The following WWTR1 variants were observed in gnomAD, a reference collection of about 807,000 sequenced individuals.
The protein encoded by WWTR1 is WW domain-containing transcription regulator protein 1.
Under a neutral mutation model 40.1 loss-of-function variants are expected in WWTR1, and 13 were observed. The ratio of observed to expected loss-of-function variants is 0.32; its 90% CI spans 0.21 to 0.52. The LOEUF (loss-of-function observed/expected upper bound fraction) is 0.52, where lower values mean the gene tolerates loss of function less well. Among genes scored for constraint, WWTR1 ranks in the 20% least tolerant of loss-of-function variants. WWTR1 has a pLI of 0.97. For synonymous variants in WWTR1, 230 were observed against 210.1 expected, an observed-to-expected ratio of 1.09 and a Z score of -0.82; for missense variants, 436 against 523.1, an observed-to-expected ratio of 0.83 and a Z score of 1.63.
At position 149,568,523 on chromosome 3, in the gene WWTR1, CAAAAAAAAAAAAAAAAAA is replaced by C. The variant is rs34414853; in HGVS notation, c.568+4323_568+4340del. Among the ~76,000 whole-genome samples, 13 of 64,804 alleles carry C rather than the reference CAAAAAAAAAAAAAAAAAA, an allele frequency of 2.0e-4. 1 individual carries two copies. Among genetic ancestry groups the C allele is most frequent in the East Asian group, 1.7e-3 (4 of 2,322 alleles). The allele number at this position is 64,804 out of a possible 152,430, so 42.5% of individuals were successfully genotyped here. A position where few individuals can be genotyped will look rare whatever the true frequency, so the allele number is the denominator to read the frequency against. ...GGAGATGGCTATTTGAATTAAAGTG[CAAAAAAAAAAAAAAAAAA>C]AAAAAAAAAAAAAAAAAAACCATAT... On this transcript the variant is annotated intron_variant, in intron 3 of 6. Coordinates refer to ENST00000360632, the MANE Select transcript of WWTR1 (RefSeq NM_015472.6).
chr3:149,585,804 A>G (rs1738394164), intron 2 of WWTR1, among the ~76,000 whole-genome samples: 1 of 152,254 alleles, frequency 6.6e-6, no homozygotes, highest in Admixed American at 6.5e-5. Flanking sequence ...CTAATAAAGA[A>G]ATGCTCAAGA....
At chr3:149,724,614 A>G (rs1715831482) in intron 3 of WWTR1, 1 of 152,136 alleles carries the variant, frequency 6.6e-6, no homozygotes, top group Non-Finnish European at 1.5e-5. Context: ...GTGATTTCAG[A>G]AGGTTCATTG....
chr3:149,572,400 T>A (rs1737680230), intron 3 of WWTR1, among the ~76,000 whole-genome samples: 1 of 152,198 alleles, frequency 6.6e-6, no homozygotes, highest in Non-Finnish European at 1.5e-5. Flanking sequence ...GTGTCCTACT[T>A]GCCTCAGGCT....
chr3:149,691,812 C>T (rs572597808), intron 1 of WWTR1, among the ~76,000 whole-genome samples: 3 of 152,020 alleles, frequency 2.0e-5, no homozygotes, highest in South Asian at 4.1e-4. Context: ...GTCAGGAGAT[C>T]GAGACCATCC....
At position 149,657,521 on chromosome 3, in the gene WWTR1, T is replaced by C. The variant is rs1313104481; in HGVS notation, c.-3-212A>G. 4 of 593,176 alleles carry C rather than the reference T, an allele frequency of 6.7e-6. No homozygotes were observed. In the African/African-American group the frequency reaches 7.5e-5, roughly 11 times the overall value. 36.7% of individuals were successfully genotyped at this position (593,176 alleles called of 1,614,324 possible). A position where few individuals can be genotyped will look rare whatever the true frequency, so the allele number is the denominator to read the frequency against. On this transcript the variant is annotated intron_variant, in intron 1 of 6. Transcript: ENST00000360632. ...CTCCTGGCCTCGAGAATTATGCAAC[T>C]TTCTTGAAGCAAAGAAGTTGCCTGG...
chr3:149,622,593 G>A (rs2108089602), intron 2 of WWTR1, among the ~76,000 whole-genome samples: 1 of 152,266 alleles, frequency 6.6e-6, no homozygotes, highest in Admixed American at 6.5e-5. Context: ...GCTCACGCCT[G>A]TAATCCCAAC....
intron 1 of WWTR1, among the ~76,000 whole-genome samples, chr3:149,673,853 G>T (rs912684631): frequency 5.3e-5 from 8 of 152,092 alleles, no homozygotes; most frequent in African/African-American, 1.9e-4. Context: ...CAAGATTTTG[G>T]AGGTACCAAG....
intron 2 of WWTR1, among the ~76,000 whole-genome samples, chr3:149,582,023 GA>G (rs1262135631): frequency 1.3e-5 from 2 of 151,410 alleles, no homozygotes; most frequent in African/African-American, 2.4e-5. Context: ...CCTGGGGTGG[GA>G]AAAAAAAGTG....
intron 1 of WWTR1, among the ~76,000 whole-genome samples, chr3:149,694,716 A>G (rs192834160): frequency 9.8e-5 from 15 of 152,386 alleles, no homozygotes; most frequent in African/African-American, 3.4e-4. Context: ...ACTGTTGGTG[A>G]GAATGTAAAT....
At chr3:149,694,958 AC>A (rs780885552) in intron 1 of WWTR1, among the ~76,000 whole-genome samples, 1 of 152,344 alleles carries the variant, frequency 6.6e-6, no homozygotes, top group East Asian at 1.9e-4. Flanking sequence ...GTACACATAC[AC>A]AATAGAGTAC....
intron 4 of WWTR1, among the ~76,000 whole-genome samples, chr3:149,529,415 A>T (rs79896633): frequency 0.012 from 1,765 of 151,482 alleles, 32 homozygotes; most frequent in African/African-American, 0.041. Flanking sequence ...TGATTGATTT[A>T]AAAAAAAACT....
At chr3:149,723,873 G>C (rs761043584) in intron 4 of WWTR1, among the ~76,000 whole-genome samples, 23 of 152,174 alleles carry the variant, frequency 1.5e-4, no homozygotes, top group South Asian at 1.2e-3. Context: ...AATATTTGGA[G>C]GCCAGGGTCC....
chr3:149,670,152 C>T (rs1714011634), intron 1 of WWTR1, among the ~76,000 whole-genome samples: 1 of 152,208 alleles, frequency 6.6e-6, no homozygotes, highest in African/African-American at 2.4e-5. Flanking sequence ...GTGAACAGTG[C>T]AAGCAATTTT....
chr3:149,544,742 C>G (rs1024929486), intron 3 of WWTR1, among the ~76,000 whole-genome samples: 6 of 152,150 alleles, frequency 3.9e-5, no homozygotes, highest in Non-Finnish European at 7.3e-5. Flanking sequence ...TCAGAGCAAC[C>G]CTGTAAAGAC....
At chr3:149,583,091 G>A (rs1357215170) in intron 2 of WWTR1, among the ~76,000 whole-genome samples, 1 of 152,116 alleles carries the variant, frequency 6.6e-6, no homozygotes, top group Non-Finnish European at 1.5e-5. Flanking sequence ...TCAACCTCCT[G>A]AGTAGCTAGG....
intron 2 of WWTR1, among the ~76,000 whole-genome samples, chr3:149,575,864 G>C (rs76068609): frequency 6.6e-6 from 1 of 152,072 alleles, no homozygotes; most frequent in African/African-American, 2.4e-5. Context: ...GGGCCTTCTG[G>C]GTGGACCTCA....
intron 2 of WWTR1, among the ~76,000 whole-genome samples, chr3:149,605,606 G>A (rs187315424): frequency 5.3e-5 from 8 of 152,296 alleles, no homozygotes; most frequent in African/African-American, 9.6e-5. Flanking sequence ...GCAAGTAGAC[G>A]TGTTTAATGG....
rs76087240 is a variant in WWTR1, at chr3:149,582,852, A to G, written c.432-9852T>C. On this transcript the variant is annotated intron_variant, in intron 2 of 6. Transcript: ENST00000360632. The stretch of plus-strand genomic sequence containing the variant: ...ATTATTTCCAGATGTCAAGTATAAA[A>G]TATGTACTTGGTAGAGTCTTTATTT... 6.6e-3 allele frequency among the ~76,000 whole-genome samples: 1,005 copies of G among 152,358 alleles called. 7 individuals are homozygous for G. Among genetic ancestry groups the G allele is most frequent in the African/African-American group, 0.023 (974 of 41,580 alleles).
intron 2 of WWTR1, among the ~76,000 whole-genome samples, chr3:149,619,200 T>C (rs1477324284): frequency 6.6e-6 from 1 of 152,150 alleles, no homozygotes; most frequent in African/African-American, 2.4e-5. Flanking sequence ...TGGACACTCC[T>C]GAAGGCAATC....
Sources: allele counts gnomAD v4.1 joint callset (sites outside exome capture counted in the v4.1 genomes callset), GRCh38; gene constraint gnomAD v4.1.1; transcripts MANE v1.5; gene names NCBI Gene and HGNC (gene_info 2026-07-23, HGNC 2026-07-21).